Variants in BARD1 observed in about 807,000 individuals in gnomAD.
BARD1 encodes BRCA1 associated RING domain 1.
In BARD1, 73 loss-of-function variants were observed where a neutral mutation model predicts 77.0. The ratio of observed to expected loss-of-function variants is 0.95; its 90% CI spans 0.79 to 1.15. BARD1 has a LOEUF of 1.15. Among genes scored for constraint, BARD1 ranks in the 50% most tolerant of loss-of-function variants. The probability of loss-of-function intolerance (pLI) is 0.00; values close to 1 mark genes in which losing one functional copy is unlikely to be tolerated. For missense variants in BARD1, 993 were observed against 938.8 expected (o/e 1.06, Z -0.75); for synonymous variants, 384 against 338.0 (o/e 1.14, Z -1.49).
At chr2:214,777,142 A>G (rs1237513787) in intron 4 of BARD1, among the ~76,000 whole-genome samples, 2 of 152,208 alleles carry the variant, frequency 1.3e-5, no homozygotes, top group Admixed American at 6.5e-5. Flanking sequence ...TCAGGTGTAC[A>G]GAACTGTAAG....
intron 1 of BARD1, among the ~76,000 whole-genome samples, chr2:214,797,532 G>A (rs375515939): frequency 2.0e-5 from 3 of 152,132 alleles, no homozygotes; most frequent in South Asian, 2.1e-4. Context: ...ACCATATAAC[G>A]TATCATCCAA....
At position 214,727,231 on chromosome 2, in the gene BARD1, A is replaced by G. The variant is rs1174535688; in HGVS notation, c.*1445T>C. ...TGAAAAAACAACATGTCAAAGAAAGAATTAAAGCAAAATGTGTTTTCAAAT... is the reference window on the plus strand; with the variant it reads ...TGAAAAAACAACATGTCAAAGAAAGGATTAAAGCAAAATGTGTTTTCAAAT... On this transcript the variant is annotated 3_prime_UTR_variant, in exon 11 of 11. Transcript: ENST00000260947. 2 of 227,938 alleles carry G rather than the reference A, an allele frequency of 8.8e-6. No individual in the cohort carries two copies. The highest frequency in any genetic ancestry group is 1.7e-5 in the Non-Finnish European group (2 of 114,798). The allele number at this position is 227,938 out of a possible 1,614,324, so 14.1% of individuals were successfully genotyped here. A position where few individuals can be genotyped will look rare whatever the true frequency, so the allele number is the denominator to read the frequency against.
chr2:214,780,513 T>C, intron 4 of BARD1, 47 bp downstream of exon 4: 1 of 1,543,148 alleles, frequency 6.5e-7, no homozygotes, highest in Non-Finnish European at 8.9e-7. Context: ...GAAATTGCTT[T>C]ATAGTTGGCC....
At chr2:214,770,330 G>A (rs1017971252) in intron 4 of BARD1, among the ~76,000 whole-genome samples, 3 of 152,146 alleles carry the variant, frequency 2.0e-5, no homozygotes, top group Admixed American at 2.0e-4. Flanking sequence ...CTAACAAGTG[G>A]TTTTCAATTT....
intron 1 of BARD1, among the ~76,000 whole-genome samples, chr2:214,808,432 T>C (rs1023918528): frequency 6.6e-6 from 1 of 152,170 alleles, no homozygotes; most frequent in African/African-American, 2.4e-5. Flanking sequence ...AAAGAAAAAG[T>C]TGTGTTACTT....
In BARD1 at chr2:214,726,657, T is replaced by C. The variant is rs551832098; in HGVS notation, c.*2019A>G. 1.7e-5 allele frequency: 4 copies of C among 230,098 alleles called. No individual in the cohort carries two copies. Among genetic ancestry groups the C allele is most frequent in the Admixed American group, 5.6e-5 (1 of 17,730 alleles). The allele number at this position is 230,098 out of a possible 1,614,324, so 14.3% of individuals were successfully genotyped here. On this transcript the variant is annotated 3_prime_UTR_variant, in exon 11 of 11. Coordinates refer to ENST00000260947, the MANE Select transcript of BARD1 (RefSeq NM_000465.4). ...TGGAAACACAAATAACTTTAATGAT[T>C]TGTGGTAAAAAAGAAGGAAGCTTGA...
At chr2:214,809,273 G>C (rs905826103) in intron 1 of BARD1, 139 bp downstream of exon 1, 9 of 1,192,740 alleles carry the variant, frequency 7.5e-6, no homozygotes, top group Non-Finnish European at 1.1e-5. Context: ...TATATCCCCC[G>C]GCAGGTGCTA....
chr2:214,789,781 C>T (rs1695432909), intron 3 of BARD1, among the ~76,000 whole-genome samples: 1 of 152,026 alleles, frequency 6.6e-6, no homozygotes, highest in South Asian at 2.1e-4. Context: ...CTTCGTGTTC[C>T]TAAATTTCTG....
chr2:214,766,664 G>A (rs1574785926), intron 6 of BARD1, among the ~76,000 whole-genome samples: 5 of 152,146 alleles, frequency 3.3e-5, no homozygotes, highest in Admixed American at 3.3e-4. Context: ...ATAAAAGATG[G>A]CATAGTATTT....
At chr2:214,732,710 T>C (rs891706770) in intron 9 of BARD1, among the ~76,000 whole-genome samples, 3 of 152,160 alleles carry the variant, frequency 2.0e-5, no homozygotes, top group African/African-American at 7.2e-5. Flanking sequence ...ATAATGATTA[T>C]CTTGAGAGCA....
chr2:214,755,942 G>A (rs1693674210), intron 6 of BARD1, among the ~76,000 whole-genome samples: 1 of 152,120 alleles, frequency 6.6e-6, no homozygotes, highest in South Asian at 2.1e-4. Flanking sequence ...TCTAGTACAC[G>A]ACAGTATATT....
In BARD1 at chr2:214,781,516, G is replaced by GAA. The variant is rs776103948; in HGVS notation, c.365-9_365-8dup. On this transcript the variant is annotated splice_region_variant and splice_polypyrimidine_tract_variant and intron_variant, in intron 3 of 10. Transcript: ENST00000260947. ...GGTTTATCTTCTTTCAAATCTGACA[G>GAA]AAAAAAAGAAAAAGAAATCTGTTAC... 1.9e-6 allele frequency: 3 copies of GAA among 1,597,086 alleles called. No individual in the cohort carries two copies. The highest frequency in any genetic ancestry group is 2.6e-6 in the Non-Finnish European group (3 of 1,170,816).
In BARD1 at chr2:214,728,847, T is replaced by C. The variant is rs786202805; in HGVS notation, c.2163A>G (p.Ala721=). ...GATCAGAATCGGGTCTCGCATGGTA[T>C]GCGACTGTATTGATGGTCTGAGTCA... ...SDVTQTINTV[A]YHARPDSDQR... is the part of the protein sequence containing the mutation. Residue 721 remains alanine, a synonymous_variant, in exon 11 of 11, where the codon GCA becomes GCG. Transcript: ENST00000260947. The C allele has an allele frequency of 6.2e-7, 1 of 1,614,224 alleles. No individual in the cohort carries two copies. Among genetic ancestry groups the C allele is most frequent in the Non-Finnish European group, 8.5e-7 (1 of 1,180,042 alleles).
rs770702450 is a variant in BARD1, at chr2:214,809,488, G to T, written c.82C>A (p.Pro28Thr). The stretch of plus-strand genomic sequence containing the variant: ...TGGGCCCAGGCACCGCGACCATCCG[G>T]TTCCATGGCGGGCGCGGAACGAGGC... ...NEPRSAPAME[P>T]DGRGAWAHSR... is the part of the protein sequence containing the mutation. The change falls in exon 1 of 11, where the codon CCG (proline) becomes ACG (threonine). Residue 28 changes from proline (P) to threonine (T), a missense_variant. Coordinates refer to ENST00000260947, the MANE Select transcript of BARD1 (RefSeq NM_000465.4). The T allele has an allele frequency of 1.4e-5, 23 of 1,608,448 alleles. No individual in the cohort carries two copies. Among genetic ancestry groups the T allele is most frequent in the Non-Finnish European group, 2.0e-5 (23 of 1,178,490 alleles).
Position 214,728,604 on chromosome 2 carries a change from TA to T in BARD1, c.*71del. 1 of 1,446,322 alleles carries T rather than the reference TA, an allele frequency of 6.9e-7. No homozygotes were observed. Among genetic ancestry groups the T allele is most frequent in the African/African-American group, 1.4e-5 (1 of 70,960 alleles). 89.6% of individuals were successfully genotyped at this position (1,446,322 alleles called of 1,614,324 possible). On this transcript the variant is annotated 3_prime_UTR_variant, in exon 11 of 11. Coordinates refer to ENST00000260947, the MANE Select transcript of BARD1 (RefSeq NM_000465.4). ...TACCTATTTGTAAAAATGTGAACAT[TA>T]AAAACAGTACAATGACTGGGCTCTC...
intron 9 of BARD1, among the ~76,000 whole-genome samples, chr2:214,743,639 A>C (rs1280309418): frequency 6.6e-6 from 1 of 152,036 alleles, no homozygotes; most frequent in African/African-American, 2.4e-5. Flanking sequence ...GCTGGAGTGC[A>C]GTGGCGCCAT....
intron 9 of BARD1, among the ~76,000 whole-genome samples, chr2:214,742,231 T>A (rs891841719): frequency 6.6e-6 from 1 of 152,164 alleles, no homozygotes; most frequent in South Asian, 2.1e-4. Flanking sequence ...GAAACATTTT[T>A]AAAAATCAAA....
chr2:214,751,134 T>C (rs1343198580), intron 7 of BARD1, among the ~76,000 whole-genome samples: 1,216 of 42,882 alleles, frequency 0.028, 252 homozygotes, highest in East Asian at 0.07. Flanking sequence ...TATATATATA[T>C]ATATATATAT....
intron 9 of BARD1, among the ~76,000 whole-genome samples, chr2:214,731,710 A>C (rs1692364328): frequency 6.6e-6 from 1 of 152,216 alleles, no homozygotes; most frequent in South Asian, 2.1e-4. Context: ...TGTTTTGCTC[A>C]ATACTTCATT....
Sources: gnomAD v4.1 joint callset for allele counts (sites outside exome capture counted in the v4.1 genomes callset) on GRCh38, gnomAD v4.1.1 for gene constraint, MANE v1.5 for transcripts, NCBI Gene and HGNC (gene_info 2026-07-23, HGNC 2026-07-21) for gene names.